COQ9: variants seen among roughly 807,000 people sequenced by gnomAD.
COQ9 encodes coenzyme Q9.
A neutral mutation model predicts 42.4 loss-of-function variants in COQ9; 35 were observed. The ratio of observed to expected loss-of-function variants is 0.83; its 90% CI spans 0.63 to 1.10. The LOEUF (loss-of-function observed/expected upper bound fraction) is 1.10, where lower values mean the gene tolerates loss of function less well. Ranked by LOEUF, COQ9 falls within the 50% of genes least tolerant of loss-of-function variation. The pLI, the probability that COQ9 is intolerant of heterozygous loss-of-function variation, is 0.00. For synonymous variants in COQ9, 155 were observed against 155.1 expected, an observed-to-expected ratio of 1.00 and a Z score of 0.00; for missense variants, 406 against 414.6, an observed-to-expected ratio of 0.98 and a Z score of 0.18.
chr16:57,455,765 T>C (rs1180430979), intron 3 of COQ9, among the ~76,000 whole-genome samples: 1 of 152,066 alleles, frequency 6.6e-6, no homozygotes, highest in Non-Finnish European at 1.5e-5. Context: ...AGTTTGGACA[T>C]GATTGAACAC....
intron 4 of COQ9, 102 bp downstream of exon 4, chr16:57,456,748 G>A (rs2030412354): frequency 6.9e-7 from 1 of 1,448,428 alleles, no homozygotes; most frequent in Non-Finnish European, 9.5e-7. Context: ...AACCCAAAGA[G>A]AGCAGCATTG....
In COQ9 at chr16:57,451,224, C is replaced by T. The variant is rs750254203; in HGVS notation, c.242+16C>T. On this transcript the variant is annotated intron_variant, in intron 2 of 8. Coordinates refer to ENST00000262507, the MANE Select transcript of COQ9 (RefSeq NM_020312.4). The stretch of plus-strand genomic sequence containing the variant: ...CACCCCCCAGGTAGGCACCAATCCA[C>T]CTATTTCTGGCCACTTCATATGCTT... 23 of 1,613,896 alleles carry T rather than the reference C, an allele frequency of 1.4e-5. No individual in the cohort carries two copies. The highest frequency in any genetic ancestry group is 1.9e-5 in the Non-Finnish European group (22 of 1,179,850).
rs2030253972 is a variant in COQ9, at chr16:57,450,319, G to A, written c.74-721G>A. Among the ~76,000 whole-genome samples, 3 of 150,732 alleles carry A rather than the reference G, an allele frequency of 2.0e-5. No homozygotes were observed. In the South Asian group the frequency reaches 6.3e-4, roughly 31 times the overall value. ...GATCCCAGCTACTCGGGAGGCTGAGGCACGAGAATCACTTGAGCCTGGGAG... is the reference window on the plus strand; with the variant it reads ...GATCCCAGCTACTCGGGAGGCTGAGACACGAGAATCACTTGAGCCTGGGAG... On this transcript the variant is annotated intron_variant, in intron 1 of 8. Transcript: ENST00000262507.
chr16:57,450,135 C>T lies in COQ9; in HGVS notation c.74-905C>T, dbSNP rs148227749. 1.9e-3 allele frequency among the ~76,000 whole-genome samples: 285 copies of T among 152,216 alleles called. 1 individual carries two copies. Among genetic ancestry groups the T allele is most frequent in the African/African-American group, 6.5e-3 (271 of 41,544 alleles). ...CGTGTTTGAAAATTTTTATAATAGGCTGGGCATGATGGCTCACGCCTGTAA... is the reference window on the plus strand; with the variant it reads ...CGTGTTTGAAAATTTTTATAATAGGTTGGGCATGATGGCTCACGCCTGTAA... On this transcript the variant is annotated intron_variant, in intron 1 of 8. Coordinates refer to ENST00000262507, the MANE Select transcript of COQ9 (RefSeq NM_020312.4).
chr16:57,451,884 T>C (rs1276984532), intron 2 of COQ9, among the ~76,000 whole-genome samples: 1 of 152,216 alleles, frequency 6.6e-6, no homozygotes, highest in Non-Finnish European at 1.5e-5. Flanking sequence ...AATCTCTCCT[T>C]AGAAGTGGGA....
intron 8 of COQ9, 50 bp downstream of exon 8, chr16:57,460,154 C>G (rs745789905): frequency 2.3e-5 from 36 of 1,562,592 alleles, no homozygotes; most frequent in Non-Finnish European, 3.2e-5. Flanking sequence ...CATTCCGGCT[C>G]TGTGATACAT....
intron 1 of COQ9, 195 bp from the exon 2 acceptor site, chr16:57,450,845 C>T: frequency 3.0e-6 from 2 of 662,528 alleles, no homozygotes; most frequent in Admixed American, 2.3e-5. Flanking sequence ...TTTTTCCTGG[C>T]TTACCACTTT....
intron 3 of COQ9, chr16:57,453,477 C>G: frequency 1.0e-5 from 2 of 197,524 alleles, no homozygotes; most frequent in Middle Eastern, 4.5e-3. Context: ...GATTAGGCAG[C>G]AGGCTCATGT....
intron 7 of COQ9, 87 bp from the exon 8 acceptor site, chr16:57,459,964 G>A: frequency 7.6e-7 from 1 of 1,315,216 alleles, no homozygotes; most frequent in Non-Finnish European, 1.1e-6. Context: ...ACCTTTTGGG[G>A]CTCATAGGCC....
At chr16:57,458,478 G>A (rs1242208511) in intron 6 of COQ9, 128 bp downstream of exon 6, 2 of 741,168 alleles carry the variant, frequency 2.7e-6, no homozygotes, top group Non-Finnish European at 4.7e-6. Context: ...CCCATCTAAG[G>A]TATGAGGAAG....
At chr16:57,447,755 C>A (rs1469581465) in intron 1 of COQ9, 177 bp downstream of exon 1, 6 of 451,684 alleles carry the variant, frequency 1.3e-5, no homozygotes, top group Non-Finnish European at 2.2e-5. Flanking sequence ...CCCTGCTCCG[C>A]TGTCTGTGAG....
At chr16:57,458,085 A>T (rs2030446157) in intron 5 of COQ9, 161 bp from the exon 6 acceptor site, 3 of 674,248 alleles carry the variant, frequency 4.4e-6, no homozygotes, top group Non-Finnish European at 8.1e-6. Context: ...TGTAGTCAGC[A>T]TTGCTAGCTG....
At chr16:57,456,667 A>C (rs749269130) in intron 4 of COQ9, 21 bp downstream of exon 4, 1 of 1,610,634 alleles carries the variant, frequency 6.2e-7, no homozygotes, top group Non-Finnish European at 8.5e-7. Context: ...TGGCATTACT[A>C]CTCAGGGTGG....
chr16:57,461,189 G>A lies in COQ9; in HGVS notation c.*565G>A. ...GGACAGAGGTGTGATTCCAGGCCTG[G>A]TGTCACATGACACCAGCATGCATTG... On this transcript the variant is annotated 3_prime_UTR_variant, in exon 9 of 9. Transcript: ENST00000262507. The A allele has an allele frequency of 2.2e-6, 1 of 455,758 alleles. No homozygotes were observed. Among genetic ancestry groups the A allele is most frequent in the Non-Finnish European group, 4.4e-6 (1 of 226,660 alleles). The allele number at this position is 455,758 out of a possible 1,614,324, so 28.2% of individuals were successfully genotyped here.
chr16:57,451,258 C>A, intron 2 of COQ9, 50 bp downstream of exon 2: 1 of 1,556,672 alleles, frequency 6.4e-7, no homozygotes, highest in South Asian at 1.1e-5. Context: ...TTCATTATGT[C>A]TGTTCCTCCT....
chr16:57,458,222 A>G (rs368406956), intron 5 of COQ9, 24 bp from the exon 6 acceptor site: 2 of 1,526,350 alleles, frequency 1.3e-6, no homozygotes, highest in African/African-American at 2.8e-5. Flanking sequence ...AGCAGAGCTT[A>G]CTCCTCTGCC....
chr16:57,452,940 T>C lies in COQ9; in HGVS notation c.378+4T>C. On this transcript the variant is annotated splice_donor_region_variant and intron_variant, in intron 3 of 8. Transcript: ENST00000262507. ...GGCGATTGCAGAAGGAGCCCAGGTG[T>C]GTATAGGTGAGGGTGGGGCCACCTA... 6.2e-7 allele frequency: 1 copy of C among 1,613,338 alleles called. No homozygotes were observed. The highest frequency in any genetic ancestry group is 8.5e-7 in the Non-Finnish European group (1 of 1,179,896).
At chr16:57,448,030 A>G (rs1233191699) in intron 1 of COQ9, among the ~76,000 whole-genome samples, 2 of 152,198 alleles carry the variant, frequency 1.3e-5, no homozygotes, top group Non-Finnish European at 2.9e-5. Flanking sequence ...CACCTTTGCC[A>G]CTATGTACTC....
At chr16:57,449,928 T>C (rs756645858) in intron 1 of COQ9, among the ~76,000 whole-genome samples, 13 of 152,198 alleles carry the variant, frequency 8.5e-5, no homozygotes, top group Non-Finnish European at 1.2e-4. Context: ...TGTGTGTAAA[T>C]GGCATCTGAA....
Sources: allele counts gnomAD v4.1 joint callset (sites outside exome capture counted in the v4.1 genomes callset), GRCh38; gene constraint gnomAD v4.1.1; transcripts MANE v1.5; gene names NCBI Gene and HGNC (gene_info 2026-07-23, HGNC 2026-07-21).